DIRAS2: variants seen among roughly 807,000 people sequenced by gnomAD.
The protein encoded by DIRAS2 is GTP-binding protein Di-Ras2.
In DIRAS2, 5 loss-of-function variants were observed where a neutral mutation model predicts 13.9. The ratio of observed to expected loss-of-function variants is 0.36; its 90% CI spans 0.19 to 0.76. The LOEUF is 0.76. Ranked by LOEUF, DIRAS2 falls within the 30% of genes least tolerant of loss-of-function variation. The pLI is 0.53. For missense variants in DIRAS2, 191 were observed against 263.0 expected (o/e 0.73, Z 1.89); for synonymous variants, 111 against 105.4 (o/e 1.05, Z -0.33).
chr9:90,624,188 A>G (rs180930920), intron 1 of DIRAS2, among the ~76,000 whole-genome samples: 1 of 152,382 alleles, frequency 6.6e-6, no homozygotes, highest in East Asian at 1.9e-4. Flanking sequence ...TTAAGAAACA[A>G]CAATCAACAA....
At position 90,610,997 on chromosome 9, in the gene DIRAS2, T is replaced by A. The variant is rs1264830727; in HGVS notation, c.*2231A>T. ...TCTCACATTAAAACCTTATTAATACTACAGTCAGTGGCAAAGATCGCATTC... is the reference window on the plus strand; with the variant it reads ...TCTCACATTAAAACCTTATTAATACAACAGTCAGTGGCAAAGATCGCATTC... On this transcript the variant is annotated 3_prime_UTR_variant, in exon 2 of 2. Transcript: ENST00000375765. 1 of 152,194 alleles carries A rather than the reference T, an allele frequency of 6.6e-6. No individual in the cohort carries two copies. Among genetic ancestry groups the A allele is most frequent in the African/African-American group, 2.4e-5 (1 of 41,448 alleles). 9.4% of individuals were successfully genotyped at this position (152,194 alleles called of 1,614,324 possible).
intron 1 of DIRAS2, among the ~76,000 whole-genome samples, chr9:90,625,624 A>G (rs532873527): frequency 6.6e-6 from 1 of 152,290 alleles, no homozygotes; most frequent in Admixed American, 6.5e-5. Context: ...AAATCAGTCA[A>G]CTATAAAGGT....
intron 1 of DIRAS2, among the ~76,000 whole-genome samples, chr9:90,636,943 A>G (rs1182414753): frequency 6.6e-6 from 1 of 152,212 alleles, no homozygotes; most frequent in Non-Finnish European, 1.5e-5. Flanking sequence ...TTAAACGTGC[A>G]CAGAACACCT....
chr9:90,616,218 A>G (rs1825167523), intron 1 of DIRAS2, among the ~76,000 whole-genome samples: 2 of 152,246 alleles, frequency 1.3e-5, no homozygotes, highest in South Asian at 4.1e-4. Context: ...AATGCTAAAC[A>G]TAAAATAAAG....
At position 90,610,149 on chromosome 9, in the gene DIRAS2, A is replaced by G. The variant is rs1017501111; in HGVS notation, c.*3079T>C. 1 of 316,266 alleles carries G rather than the reference A, an allele frequency of 3.2e-6. No homozygotes were observed. The highest frequency in any genetic ancestry group is 5.7e-6 in the Non-Finnish European group (1 of 176,782). The allele number at this position is 316,266 out of a possible 1,614,324, so 19.6% of individuals were successfully genotyped here. On this transcript the variant is annotated 3_prime_UTR_variant, in exon 2 of 2. Transcript: ENST00000375765. The stretch of plus-strand genomic sequence containing the variant: ...TCCAGAGAACTTATGTAGAAGCAAC[A>G]CATTACAAATTTTGGGGAAAAAAAT...
chr9:90,628,040 GA>G (rs5899101), intron 1 of DIRAS2, among the ~76,000 whole-genome samples: 28,851 of 150,926 alleles, frequency 0.19, 3,490 homozygotes, highest in Non-Finnish European at 0.28. Context: ...AAAAGAAAAA[GA>G]AAAAAAAATA....
intron 1 of DIRAS2, among the ~76,000 whole-genome samples, chr9:90,617,462 T>C (rs886219512): frequency 5.3e-5 from 8 of 152,224 alleles, no homozygotes; most frequent in African/African-American, 1.9e-4. Flanking sequence ...ATCTGTTATA[T>C]GCTATTGAGA....
Position 90,613,538 on chromosome 9 carries a change from A to G in DIRAS2, c.290T>C (p.Leu97Pro). ...SITSRQSLEELKPIYEQICEI... is the reference protein window; with the variant it reads ...SITSRQSLEEPKPIYEQICEI... ...GCAGATTTGTTCGTAGATGGGCTTG[A>G]GCTCCTCCAAGGACTGTCGGCTGGT... Residue 97 changes from leucine (L) to proline (P), a missense_variant, in exon 2 of 2, where the codon CTC (leucine) becomes CCC (proline). By Grantham distance (98) the Leu-to-Pro change is moderately conservative. Transcript: ENST00000375765. This position sits in a 1 kb window ranked among gnomAD's most constrained non-coding sequence, Gnocchi z 5.6. The G allele has an allele frequency of 6.2e-7, 1 of 1,614,018 alleles. No homozygotes were observed. The highest frequency in any genetic ancestry group is 8.5e-7 in the Non-Finnish European group (1 of 1,180,022).
chr9:90,639,133 A>G (rs1384868855), intron 1 of DIRAS2, among the ~76,000 whole-genome samples: 2 of 152,182 alleles, frequency 1.3e-5, no homozygotes, highest in African/African-American at 4.8e-5. Context: ...GCCCTCTTTA[A>G]GTCTCCTATC....
intron 1 of DIRAS2, among the ~76,000 whole-genome samples, chr9:90,624,399 T>C (rs1348538630): frequency 1.4e-5 from 2 of 142,484 alleles, no homozygotes; most frequent in Admixed American, 1.4e-4. Flanking sequence ...CCCGGAATCT[T>C]GTATTGTAGT....
intron 1 of DIRAS2, among the ~76,000 whole-genome samples, chr9:90,632,619 C>T (rs1825335556): frequency 1.3e-5 from 2 of 152,216 alleles, no homozygotes; most frequent in Non-Finnish European, 1.5e-5. Context: ...ATATTAAAAG[C>T]TCCTTAAGGG....
At chr9:90,619,963 T>G (rs1825204560) in intron 1 of DIRAS2, among the ~76,000 whole-genome samples, 1 of 151,494 alleles carries the variant, frequency 6.6e-6, no homozygotes, top group Non-Finnish European at 1.5e-5. Flanking sequence ...ACTGTATGGT[T>G]CCATCATATG....
chr9:90,621,671 A>G (rs144335151), intron 1 of DIRAS2, among the ~76,000 whole-genome samples: 1 of 152,344 alleles, frequency 6.6e-6, no homozygotes, highest in Non-Finnish European at 1.5e-5. Flanking sequence ...TTTCAGAAAT[A>G]ACAACTGTTT....
chr9:90,630,819 G>A (rs966337879), intron 1 of DIRAS2, among the ~76,000 whole-genome samples: 11 of 152,272 alleles, frequency 7.2e-5, no homozygotes, highest in Admixed American at 5.2e-4. Context: ...AAAGGTGAGA[G>A]ACACAGTACC....
At chr9:90,634,793 G>A (rs187515340) in intron 1 of DIRAS2, among the ~76,000 whole-genome samples, 4 of 152,348 alleles carry the variant, frequency 2.6e-5, no homozygotes, top group Admixed American at 6.5e-5. Context: ...GGCTGAAGCT[G>A]AAGCCAGAAT....
At position 90,613,317 on chromosome 9, in the gene DIRAS2, G is replaced by C. The variant is rs747172290; in HGVS notation, c.511C>G (p.Arg171Gly). ...TCGATCTGGAGACTCACGGTCCTGCGCTTCTCCAGGTTGAGCAGCTCCTGG... is the reference window on the plus strand; with the variant it reads ...TCGATCTGGAGACTCACGGTCCTGCCCTTCTCCAGGTTGAGCAGCTCCTGG... Reference protein sequence around the residue: ...LFQELLNLEKRRTVSLQIDGK... With the variant: ...LFQELLNLEKGRTVSLQIDGK... The change falls in exon 2 of 2, where the codon CGC (arginine) becomes GGC (glycine). Residue 171 changes from arginine to glycine, a missense_variant. Transcript: ENST00000375765. The surrounding 1 kb of genome is among the most constrained non-coding windows in gnomAD (Gnocchi z 5.6). 1 of 1,613,898 alleles carries C rather than the reference G, an allele frequency of 6.2e-7. No homozygotes were observed. Among genetic ancestry groups the C allele is most frequent in the South Asian group, 1.1e-5 (1 of 91,052 alleles).
At chr9:90,623,045 T>C (rs568076525) in intron 1 of DIRAS2, among the ~76,000 whole-genome samples, 25 of 152,364 alleles carry the variant, frequency 1.6e-4, no homozygotes, top group Middle Eastern at 3.4e-3. Flanking sequence ...TTTTCCCTTT[T>C]TCATAGAAGT....
At chr9:90,638,530 A>G (rs7026977) in intron 1 of DIRAS2, among the ~76,000 whole-genome samples, 29,066 of 152,204 alleles carry the variant, frequency 0.19, 3,136 homozygotes, top group Non-Finnish European at 0.25. Context: ...GTCCCAAGAG[A>G]GAAGCACAAA....
intron 1 of DIRAS2, chr9:90,626,101 T>G (rs1345145413): frequency 6.6e-6 from 1 of 150,906 alleles, no homozygotes; most frequent in Non-Finnish European, 1.5e-5. Context: ...GAGAATCGCT[T>G]GAACCCAGGA....
Sources: gnomAD v4.1 joint callset for allele counts (sites outside exome capture counted in the v4.1 genomes callset) on GRCh38, gnomAD v4.1.1 for gene constraint, Gnocchi (gnomAD v3.1) non-coding constraint, MANE v1.5 for transcripts, NCBI Gene and HGNC (gene_info 2026-07-23, HGNC 2026-07-21) for gene names.